Variants in TENM3 observed in about 807,000 individuals in gnomAD.
TENM3 encodes the protein teneurin-3.
Under a neutral mutation model 255.1 loss-of-function variants are expected in TENM3, and 63 were observed. The ratio of observed to expected loss-of-function variants is 0.25; its 90% CI spans 0.20 to 0.30. The LOEUF (loss-of-function observed/expected upper bound fraction) is 0.30. Ranked by LOEUF, TENM3 falls within the 10% of genes least tolerant of loss-of-function variation. The pLI, the probability that TENM3 is intolerant of heterozygous loss-of-function variation, is 1.00. For missense variants in TENM3, 2,929 were observed against 3,461.1 expected, an observed-to-expected ratio of 0.85 and a Z score of 3.86; for synonymous variants, 1,306 against 1,322.3, an observed-to-expected ratio of 0.99 and a Z score of 0.27.
chr4:181,603,109 G>A, the TENM3 span, among the ~76,000 whole-genome samples: 1 of 152,140 alleles, frequency 6.6e-6, no homozygotes, highest in African/African-American at 2.4e-5. Flanking sequence ...GACTCAACAT[G>A]CAACTCCTAG....
chr4:182,202,026 A>G (rs1023633721), intron 1 of TENM3, among the ~76,000 whole-genome samples: 2 of 152,366 alleles, frequency 1.3e-5, no homozygotes, highest in South Asian at 4.1e-4. Context: ...CAATATGTAA[A>G]CAAAAACCCT....
At chr4:181,719,767 T>C in the TENM3 span, among the ~76,000 whole-genome samples, 2 of 152,210 alleles carry the variant, frequency 1.3e-5, no homozygotes, top group African/African-American at 4.8e-5. Context: ...TAAGCAATAG[T>C]CTCTATCATA....
At chr4:182,131,559 GTTTCAGTTA>G in the TENM3 span, among the ~76,000 whole-genome samples, 1 of 152,080 alleles carries the variant, frequency 6.6e-6, no homozygotes, top group Non-Finnish European at 1.5e-5. Context: ...TTCTGCTCTG[GTTTCAGTTA>G]TTTATTTTAA....
chr4:182,753,148 G>A (rs977763924), intron 20 of TENM3, among the ~76,000 whole-genome samples: 7 of 151,956 alleles, frequency 4.6e-5, no homozygotes, highest in Admixed American at 2.0e-4. Context: ...GGGTTTCACC[G>A]TGTTGCCCAG....
intron 3 of TENM3, among the ~76,000 whole-genome samples, chr4:182,353,777 C>A (rs1439805373): frequency 6.6e-6 from 1 of 151,958 alleles, no homozygotes; most frequent in Non-Finnish European, 1.5e-5. Flanking sequence ...ACCAGCCTGG[C>A]CAACATGGTG....
chr4:181,617,529 A>G, the TENM3 span, among the ~76,000 whole-genome samples: 1 of 152,310 alleles, frequency 6.6e-6, no homozygotes, highest in Admixed American at 6.5e-5. Context: ...ATGGTGGGAA[A>G]GTCCGGTGCC....
intron 1 of TENM3, among the ~76,000 whole-genome samples, chr4:182,301,159 T>C (rs1433573475): frequency 6.6e-6 from 1 of 152,202 alleles, no homozygotes; most frequent in African/African-American, 2.4e-5. Flanking sequence ...CCTTTGACTT[T>C]CATAAAAATT....
At chr4:182,064,506 C>A in the TENM3 span, among the ~76,000 whole-genome samples, 8 of 152,180 alleles carry the variant, frequency 5.3e-5, no homozygotes, top group Middle Eastern at 6.8e-3. Context: ...TGGCGTGAAC[C>A]CGGGAGGCGG....
intron 1 of TENM3, among the ~76,000 whole-genome samples, chr4:182,300,889 G>A (rs1006921594): frequency 2.0e-5 from 3 of 152,138 alleles, no homozygotes; most frequent in Non-Finnish European, 4.4e-5. Context: ...CAAAATAATT[G>A]ACTTCATTTT....
intron 5 of TENM3, among the ~76,000 whole-genome samples, chr4:182,650,618 C>G (rs1193588634): frequency 6.7e-6 from 1 of 149,412 alleles, no homozygotes; most frequent in African/African-American, 2.4e-5. Flanking sequence ...TCGTCTCTCT[C>G]TCTCCTCTCT....
the TENM3 span, among the ~76,000 whole-genome samples, chr4:181,779,254 CTTTAAGTTA>C: frequency 0.02 from 2,996 of 147,424 alleles, 32 homozygotes; most frequent in Middle Eastern, 0.064. Context: ...CTTTCTTTTA[CTTTAAGTTA>C]TTTATTTATT....
chr4:182,703,870 A>G (rs1339376920), intron 12 of TENM3, among the ~76,000 whole-genome samples: 1 of 152,182 alleles, frequency 6.6e-6, no homozygotes, highest in Non-Finnish European at 1.5e-5. Context: ...AATTCTACCC[A>G]TTGATATTGC....
At chr4:182,004,985 T>C in the TENM3 span, among the ~76,000 whole-genome samples, 1 of 152,300 alleles carries the variant, frequency 6.6e-6, no homozygotes, top group East Asian at 1.9e-4. Flanking sequence ...GTCAGACGGG[T>C]AGATTGCAAA....
chr4:182,290,955 G>T (rs1044281970), intron 1 of TENM3, among the ~76,000 whole-genome samples: 1 of 152,076 alleles, frequency 6.6e-6, no homozygotes, highest in Admixed American at 6.6e-5. Flanking sequence ...TGAGTAGCTG[G>T]GATTACAGGC....
At chr4:181,939,512 GA>G in the TENM3 span, among the ~76,000 whole-genome samples, 1 of 152,244 alleles carries the variant, frequency 6.6e-6, no homozygotes, top group Admixed American at 6.5e-5. Flanking sequence ...GCGTGCCTGT[GA>G]ACCTTGGAGA....
chr4:182,473,627 C>T (rs977586465), intron 3 of TENM3, among the ~76,000 whole-genome samples: 3 of 151,904 alleles, frequency 2.0e-5, no homozygotes, highest in Admixed American at 6.6e-5. Context: ...GAGCCGAGAT[C>T]GCGCCGCTGC....
At chr4:182,567,107 T>C (rs1156353196) in intron 3 of TENM3, among the ~76,000 whole-genome samples, 1 of 152,216 alleles carries the variant, frequency 6.6e-6, no homozygotes, top group African/African-American at 2.4e-5. Context: ...ATCTATGCCC[T>C]GGAAATCAAA....
the TENM3 span, among the ~76,000 whole-genome samples, chr4:181,919,980 A>G: frequency 6.9e-6 from 1 of 144,508 alleles, no homozygotes; most frequent in African/African-American, 2.6e-5. Flanking sequence ...GAGAATATGC[A>G]GTGTTTGGTT....
chr4:182,480,964 C>A (rs1024730816), intron 3 of TENM3, among the ~76,000 whole-genome samples: 5 of 151,984 alleles, frequency 3.3e-5, no homozygotes, highest in Non-Finnish European at 7.4e-5. Context: ...GAGAGAGTTT[C>A]CTTTTTTTCT....
Sources: gnomAD v4.1 joint callset for allele counts (sites outside exome capture counted in the v4.1 genomes callset) on GRCh38, gnomAD v4.1.1 for gene constraint, MANE v1.5 for transcripts, NCBI Gene and HGNC (gene_info 2026-07-23, HGNC 2026-07-21) for gene names.